SAMM50: variants seen among roughly 807,000 people sequenced by gnomAD.
SAMM50 encodes sorting and assembly machinery component 50 homolog.
Under a neutral mutation model 66.9 loss-of-function variants are expected in SAMM50, and 47 were observed. The observed-to-expected ratio is 0.70, with a 90% CI of 0.56 to 0.90. The LOEUF (loss-of-function observed/expected upper bound fraction) is 0.90. Among genes scored for constraint, SAMM50 ranks in the 40% least tolerant of loss-of-function variants. The probability of loss-of-function intolerance (pLI) is 0.00; values close to 1 mark genes in which losing one functional copy is unlikely to be tolerated. For missense variants in SAMM50, 535 were observed against 595.3 expected, an observed-to-expected ratio of 0.90 and a Z score of 1.05; for synonymous variants, 191 against 214.1, an observed-to-expected ratio of 0.89 and a Z score of 0.94.
rs1358228967 is a variant in SAMM50 at position 43,983,466 on chromosome 22, CAA to C, written c.1008-466_1008-465del. 3.3e-5 allele frequency among the ~76,000 whole-genome samples: 5 copies of C among 152,146 alleles called. No individual in the cohort carries two copies. Among genetic ancestry groups the C allele is most frequent in the African/African-American group, 2.4e-5 (1 of 41,432 alleles). On this transcript the variant is annotated intron_variant, in intron 11 of 14. Transcript: ENST00000350028. The surrounding 1 kb of genome is among the most constrained non-coding windows in gnomAD (Gnocchi z 4.2). The stretch of plus-strand genomic sequence containing the variant: ...TCATATTTAAAAATTATAAACCTAA[CAA>C]GAATTCTTTTTTGGTCTGTTTCTAG...
chr22:43,980,678 T>G (rs571544891), intron 10 of SAMM50, among the ~76,000 whole-genome samples: 3 of 152,320 alleles, frequency 2.0e-5, no homozygotes, highest in Non-Finnish European at 2.9e-5. Context: ...AAGCTTGTCC[T>G]TCCTACAGAA....
intron 14 of SAMM50, among the ~76,000 whole-genome samples, chr22:43,995,827 A>ATCCT (rs989439319): frequency 6.6e-6 from 1 of 152,224 alleles, no homozygotes; most frequent in African/African-American, 2.4e-5. Flanking sequence ...TGACCTTTGC[A>ATCCT]TCCTTCCTTC....
At chr22:43,993,654 C>T (rs1366562091) in intron 14 of SAMM50, among the ~76,000 whole-genome samples, 1 of 152,174 alleles carries the variant, frequency 6.6e-6, no homozygotes, top group Non-Finnish European at 1.5e-5. Context: ...CAGCCTGGCA[C>T]CCCGAGTGTG....
intron 14 of SAMM50, 111 bp from the exon 15 acceptor site, chr22:43,996,227 G>A: frequency 8.7e-7 from 1 of 1,144,346 alleles, no homozygotes; most frequent in South Asian, 1.2e-5. Flanking sequence ...AAGGCAGCAG[G>A]AGGAGGAGGA....
At chr22:43,963,128 C>T (rs2050155709) in intron 1 of SAMM50, 158 bp from the exon 2 acceptor site, 1 of 487,122 alleles carries the variant, frequency 2.1e-6, no homozygotes, top group South Asian at 3.6e-5. Flanking sequence ...TAGCTGACGG[C>T]ACCTTTTTAC....
At chr22:43,975,958 T>C (rs116828202) in intron 7 of SAMM50, 97 bp from the exon 8 acceptor site, 3 of 1,266,988 alleles carry the variant, frequency 2.4e-6, no homozygotes, top group Non-Finnish European at 3.3e-6. Context: ...ATTAGATATT[T>C]AGTTCATTGT....
intron 4 of SAMM50, among the ~76,000 whole-genome samples, chr22:43,971,821 T>A (rs1260093175): frequency 2.6e-5 from 4 of 152,060 alleles, no homozygotes; most frequent in Non-Finnish European, 5.9e-5. Context: ...AGTGATCTTC[T>A]CACCTCAGCC....
At chr22:43,962,028 G>T (rs1216599887) in intron 1 of SAMM50, among the ~76,000 whole-genome samples, 1 of 151,994 alleles carries the variant, frequency 6.6e-6, no homozygotes, top group Non-Finnish European at 1.5e-5. Context: ...GTGATATTAT[G>T]TTTATGTAGA....
At chr22:43,994,888 A>G (rs2050344812) in intron 14 of SAMM50, among the ~76,000 whole-genome samples, 1 of 152,212 alleles carries the variant, frequency 6.6e-6, no homozygotes, top group African/African-American at 2.4e-5. Flanking sequence ...ACTTAGAGTG[A>G]CAGGCCTTTA....
At chr22:43,986,561 T>C (rs2050294942) in intron 12 of SAMM50, 1 of 152,056 alleles carries the variant, frequency 6.6e-6, no homozygotes. Context: ...CTTACTTTTT[T>C]TTTTTTTGAG....
chr22:43,980,933 G>C (rs916188287), intron 10 of SAMM50, among the ~76,000 whole-genome samples: 1 of 152,224 alleles, frequency 6.6e-6, no homozygotes, highest in South Asian at 2.1e-4. Flanking sequence ...GGTTGGGAGT[G>C]CGTCTCTGCA....
At chr22:43,993,250 G>A (rs1340509513) in intron 14 of SAMM50, among the ~76,000 whole-genome samples, 1 of 152,194 alleles carries the variant, frequency 6.6e-6, no homozygotes, top group Non-Finnish European at 1.5e-5. Flanking sequence ...AGTCCCTGCT[G>A]CTCTGGGACC....
Position 43,983,864 on chromosome 22 carries a change from C to A in SAMM50, c.1008-69C>A. 2.7e-6 allele frequency: 3 copies of A among 1,093,918 alleles called. No homozygotes were observed. The highest frequency in any genetic ancestry group is 2.8e-5 in the South Asian group (2 of 70,640). 67.8% of individuals were successfully genotyped at this position (1,093,918 alleles called of 1,614,324 possible). On this transcript the variant is annotated intron_variant, in intron 11 of 14. Coordinates refer to ENST00000350028, the MANE Select transcript of SAMM50 (RefSeq NM_015380.5). This position sits in a 1 kb window ranked among gnomAD's most constrained non-coding sequence, Gnocchi z 4.2. The stretch of plus-strand genomic sequence containing the variant: ...ATGTGAGTCTGACATGTGTTTCCTA[C>A]GCGTTCCGTGTGTCATGTCGTTTCT...
chr22:43,989,171 C>T lies in SAMM50; in HGVS notation c.1136C>T (p.Pro379Leu). The T allele has an allele frequency of 1.2e-6, 2 of 1,614,192 alleles. No individual in the cohort carries two copies. The highest frequency in any genetic ancestry group is 1.3e-5 in the African/African-American group (1 of 75,056). The change falls in exon 13 of 15, where the codon CCT (proline) becomes CTT (leucine). Residue 379 changes from proline (P) to leucine (L), a missense_variant. Transcript: ENST00000350028. Reference protein sequence around the residue: ...AGGLHLYTPLPFRPGQGGFGE... With the variant: ...AGGLHLYTPLLFRPGQGGFGE... Reference sequence around the variant, plus strand: ...GGCCTGCACCTCTACACCCCATTACCTTTCCGGCCAGGCCAGGGTGGCTTT... The same window carrying T: ...GGCCTGCACCTCTACACCCCATTACTTTTCCGGCCAGGCCAGGGTGGCTTT...
intron 10 of SAMM50, among the ~76,000 whole-genome samples, chr22:43,980,455 C>T (rs67450864): frequency 0.46 from 68,795 of 150,818 alleles, 17,187 homozygotes; most frequent in African/African-American, 0.67. Flanking sequence ...AGGCAACCCC[C>T]GAGCACAGCC....
rs78038328 is a variant in SAMM50, at chr22:43,976,772, G to A, written c.800G>A (p.Arg267Gln). ...SLSHAMVIDSRNSSILPRRGA... is the reference protein window; with the variant it reads ...SLSHAMVIDSQNSSILPRRGA... ...CAGCACGCCATGGTCATCGATTCTC[G>A]GAATTCTTCCATCTTACCAAGGAGA... Residue 267 changes from arginine (R) to glutamine (Q), a missense_variant, in exon 9 of 15, where the codon CGG becomes CAG. Physicochemically the swap from Arg to Gln is conservative, Grantham distance 43 (BLOSUM62 1). Coordinates refer to ENST00000350028, the MANE Select transcript of SAMM50 (RefSeq NM_015380.5). The A allele has an allele frequency of 1.0e-4, 164 of 1,612,414 alleles. No individual in the cohort carries two copies. In the East Asian group the frequency reaches 1.8e-3, roughly 18 times the overall value.
intron 7 of SAMM50, 153 bp from the exon 8 acceptor site, chr22:43,975,902 C>G: frequency 1.3e-6 from 1 of 745,648 alleles, no homozygotes; most frequent in Admixed American, 2.9e-5. Context: ...TTCTCTTCCC[C>G]TTCTTCTCTT....
Position 43,976,827 on chromosome 22 carries a change from G to A in SAMM50, c.849+6G>A, listed in dbSNP as rs370802290. ...CTTTGCTGAAAGTTAACCAGGTAGT[G>A]TTGTTTCACCTGTGACCCCTGCAGG... On this transcript the variant is annotated splice_donor_region_variant and intron_variant, in intron 9 of 14. Coordinates refer to ENST00000350028, the MANE Select transcript of SAMM50 (RefSeq NM_015380.5). The A allele has an allele frequency of 3.4e-5, 53 of 1,564,046 alleles. No individual in the cohort carries two copies. Among genetic ancestry groups the A allele is most frequent in the Non-Finnish European group, 4.4e-5 (51 of 1,148,946 alleles).
Position 43,963,384 on chromosome 22 carries a change from T to A in SAMM50, c.120T>A (p.Leu40=), listed in dbSNP as rs2050157373. 3 of 1,607,476 alleles carry A rather than the reference T, an allele frequency of 1.9e-6. No homozygotes were observed. The highest frequency in any genetic ancestry group is 2.6e-6 in the Non-Finnish European group (3 of 1,175,926). ...EVEPEAKQEI[L]ENKDVVVQHV... is the part of the protein sequence containing the mutation. ...AGCCTGAAGCTAAACAGGAAATTCT[T>A]GAAAACAAAGATGTGAGTTTTCTGT... The change falls in exon 2 of 15, where the codon CTT becomes CTA. Residue 40 remains leucine, a synonymous_variant. Transcript: ENST00000350028.
Sources: allele counts gnomAD v4.1 joint callset (sites outside exome capture counted in the v4.1 genomes callset), GRCh38; gene constraint gnomAD v4.1.1; non-coding constraint Gnocchi (gnomAD v3.1); transcripts MANE v1.5; gene names NCBI Gene and HGNC (gene_info 2026-07-23, HGNC 2026-07-21).